Variants in PIEZO2 observed in about 807,000 individuals in gnomAD.
The protein encoded by PIEZO2 is piezo type mechanosensitive ion channel component 2, also known as piezo-type mechanosensitive ion channel component 2.
PIEZO2 carries 172 observed loss-of-function variants against 337.3 expected under a neutral mutation model. That is an observed-to-expected ratio of 0.51 (90% CI 0.45 to 0.58). PIEZO2 has a LOEUF of 0.58. Ranked by LOEUF, PIEZO2 falls within the 20% of genes least tolerant of loss-of-function variation. PIEZO2 has a pLI of 0.00. For synonymous variants in PIEZO2, 1,251 were observed against 1,228.5 expected (o/e 1.02, Z -0.38); for missense variants, 3,028 against 3,391.3 (o/e 0.89, Z 2.66).
rs1203824284 is a variant in PIEZO2 at position 10,705,555 on chromosome 18, T to A, written c.5780A>T (p.Glu1927Val). 6.5e-7 allele frequency: 1 copy of A among 1,537,126 alleles called. No homozygotes were observed. Among genetic ancestry groups the A allele is most frequent in the Non-Finnish European group, 8.7e-7 (1 of 1,146,914 alleles). ...AEEASLTPEE[E>V]LTQFSTLDGD... ...GTCCAAGGTGGAGAACTGTGTCAGC[T>A]CTTCCTCTGGGGTGAGGCTGGCCTC... is the stretch of plus-strand genomic sequence containing the variant. The change falls in exon 41 of 56, where the codon GAG becomes GTG. Residue 1927 changes from glutamate (E) to valine (V), a missense_variant. This residue lies in a region of PIEZO2 where 1,925 missense variants were observed against 2,051.9 expected (regional missense o/e 0.94). Transcript: ENST00000674853.
chr18:11,031,935 C>T lies in PIEZO2; in HGVS notation c.160+34192G>A, dbSNP rs1161492800. 6.6e-6 allele frequency among the ~76,000 whole-genome samples: 1 copy of T among 152,152 alleles called. No individual in the cohort carries two copies. The highest frequency in any genetic ancestry group is 2.4e-5 in the African/African-American group (1 of 41,412). ...ACCATCACATTTCCAAGATACGAGA[C>T]AAAACTCGTTCTCTCTCTGTCTTTC... On this transcript the variant is annotated intron_variant, in intron 2 of 55. Coordinates refer to ENST00000674853, the MANE Select transcript of PIEZO2 (RefSeq NM_001378183.1). This position sits in a 1 kb window ranked among gnomAD's most constrained non-coding sequence, Gnocchi z 4.7.
intron 4 of PIEZO2, among the ~76,000 whole-genome samples, chr18:10,882,428 T>C (rs264204): frequency 0.84 from 127,687 of 152,140 alleles, 55,038 homozygotes; most frequent in East Asian, 1. Flanking sequence ...ACTAGTAATA[T>C]TTCAAAAACA....
At chr18:10,931,508 A>G (rs901188396) in intron 3 of PIEZO2, among the ~76,000 whole-genome samples, 9 of 152,210 alleles carry the variant, frequency 5.9e-5, no homozygotes, top group African/African-American at 2.2e-4. Context: ...CTATCTACTT[A>G]TAATTTTAAT....
chr18:10,827,158 A>C (rs892941775), intron 7 of PIEZO2, among the ~76,000 whole-genome samples: 1 of 152,232 alleles, frequency 6.6e-6, no homozygotes, highest in African/African-American at 2.4e-5. Flanking sequence ...ATAAAAACTG[A>C]ATTACAGATA....
intron 45 of PIEZO2, among the ~76,000 whole-genome samples, chr18:10,697,249 A>G (rs60821188): frequency 0.031 from 4,725 of 152,170 alleles, 245 homozygotes; most frequent in African/African-American, 0.11. Flanking sequence ...GCCTCTGTCC[A>G]GGGCTCCACT....
At position 10,830,214 on chromosome 18, in the gene PIEZO2, G is replaced by T. The variant is rs569900435; in HGVS notation, c.918-22940C>A. Reference sequence around the variant, plus strand: ...GGAAAGGACAGTCTCTTCAATAAATGGTGCTGGGAAAACTGGATATCCATA... The same window carrying T: ...GGAAAGGACAGTCTCTTCAATAAATTGTGCTGGGAAAACTGGATATCCATA... On this transcript the variant is annotated intron_variant, in intron 7 of 55. Coordinates refer to ENST00000674853, the MANE Select transcript of PIEZO2 (RefSeq NM_001378183.1). The surrounding 1 kb of genome is among the most constrained non-coding windows in gnomAD (Gnocchi z 4.7). Among the ~76,000 whole-genome samples, 1 of 152,222 alleles carries T rather than the reference G, an allele frequency of 6.6e-6. No individual in the cohort carries two copies. Among genetic ancestry groups the T allele is most frequent in the South Asian group, 2.1e-4 (1 of 4,808 alleles).
At chr18:10,922,844 C>A (rs1485239589) in intron 3 of PIEZO2, among the ~76,000 whole-genome samples, 1 of 152,042 alleles carries the variant, frequency 6.6e-6, no homozygotes, top group Non-Finnish European at 1.5e-5. Context: ...TACAGAACAC[C>A]AAAACTATAC....
rs1267923046 is a variant in PIEZO2, at chr18:11,148,234, G to C, written c.64+291C>G. Among the ~76,000 whole-genome samples, 2 of 152,154 alleles carry C rather than the reference G, an allele frequency of 1.3e-5. No individual in the cohort carries two copies. The highest frequency in any genetic ancestry group is 2.9e-5 in the Non-Finnish European group (2 of 68,042). ...CCAGCCACAGCAATGGCCATCCTTA[G>C]TACACAAGTCAGTACTCCACGAAAG... On this transcript the variant is annotated intron_variant, in intron 1 of 55. Coordinates refer to ENST00000674853, the MANE Select transcript of PIEZO2 (RefSeq NM_001378183.1). The surrounding 1 kb of genome is among the most constrained non-coding windows in gnomAD (Gnocchi z 5.2).
chr18:10,807,982 T>C (rs1007962556), intron 7 of PIEZO2, among the ~76,000 whole-genome samples: 1 of 152,226 alleles, frequency 6.6e-6, no homozygotes, highest in African/African-American at 2.4e-5. Flanking sequence ...ATATGACTCA[T>C]TTAGAAATTC....
intron 39 of PIEZO2, among the ~76,000 whole-genome samples, chr18:10,711,645 G>A (rs1273190592): frequency 6.6e-6 from 1 of 152,012 alleles, no homozygotes; most frequent in Non-Finnish European, 1.5e-5. Context: ...ACAAAATGAA[G>A]CAAGAAGGGA....
intron 7 of PIEZO2, among the ~76,000 whole-genome samples, chr18:10,848,487 A>G (rs1033094117): frequency 6.6e-6 from 1 of 152,200 alleles, no homozygotes; most frequent in Admixed American, 6.5e-5. Context: ...ATTGAAGTAG[A>G]TGATAAAAAA....
intron 3 of PIEZO2, among the ~76,000 whole-genome samples, chr18:10,928,528 C>T (rs2145177490): frequency 6.6e-6 from 1 of 152,336 alleles, no homozygotes; most frequent in Non-Finnish European, 1.5e-5. Flanking sequence ...AGTTCTTAAA[C>T]AGTGCCTGGC....
At chr18:10,777,229 C>A (rs1371492138) in intron 18 of PIEZO2, among the ~76,000 whole-genome samples, 2 of 152,256 alleles carry the variant, frequency 1.3e-5, no homozygotes, top group Admixed American at 1.3e-4. Context: ...AACCTTCTCA[C>A]TGACCATTAA....
At chr18:11,018,113 A>T (rs2145696485) in intron 2 of PIEZO2, among the ~76,000 whole-genome samples, 1 of 151,432 alleles carries the variant, frequency 6.6e-6, no homozygotes, top group Middle Eastern at 3.4e-3. Flanking sequence ...TGCCCCTTCC[A>T]GCTTTGGGTA....
chr18:10,752,942 A>G (rs2037702054), intron 27 of PIEZO2, 63 bp from the exon 28 acceptor site: 17 of 1,489,192 alleles, frequency 1.1e-5, no homozygotes, highest in Non-Finnish European at 1.5e-5. Flanking sequence ...CAAAATCAGG[A>G]AAGTCTTTAA....
Position 11,105,727 on chromosome 18 carries a change from T to C in PIEZO2, c.65-39505A>G, listed in dbSNP as rs2039539250. ...GGGAATGTTTCATGAATGCTAGTGC[T>C]GCTTGAGGCTTGACTGTAAAGCTCC... On this transcript the variant is annotated intron_variant, in intron 1 of 55. Transcript: ENST00000674853. This position sits in a 1 kb window ranked among gnomAD's most constrained non-coding sequence, Gnocchi z 4.3. Among the ~76,000 whole-genome samples, 1 of 152,204 alleles carries C rather than the reference T, an allele frequency of 6.6e-6. No homozygotes were observed. The highest frequency in any genetic ancestry group is 2.1e-4 in the South Asian group (1 of 4,830).
At chr18:11,139,677 A>G (rs2040585977) in intron 1 of PIEZO2, among the ~76,000 whole-genome samples, 1 of 152,210 alleles carries the variant, frequency 6.6e-6, no homozygotes, top group Non-Finnish European at 1.5e-5. Flanking sequence ...GACACTTGTT[A>G]CTCAAAGAAA....
rs1210240404 is a variant in PIEZO2, at chr18:10,718,358, C to G, written c.5030-99G>C. The G allele has an allele frequency of 5.2e-6, 5 of 959,168 alleles. No individual in the cohort carries two copies. In the Admixed American group the frequency reaches 7.1e-5, roughly 14 times the overall value. The allele number at this position is 959,168 out of a possible 1,614,324, so 59.4% of individuals were successfully genotyped here. A position where few individuals can be genotyped will look rare whatever the true frequency, so the allele number is the denominator to read the frequency against. On this transcript the variant is annotated intron_variant, in intron 36 of 55. Transcript: ENST00000674853. ...ATTAAAAGGAATTTTGTAATTAACT[C>G]TAGGACATTCTATTTCAAGAGTTCC...
chr18:11,115,322 G>T (rs1186168201), intron 1 of PIEZO2, among the ~76,000 whole-genome samples: 2 of 152,124 alleles, frequency 1.3e-5, no homozygotes, highest in Non-Finnish European at 2.9e-5. Context: ...ATGAGATTAA[G>T]AAAACATTAC....
Sources: gnomAD v4.1 joint callset for allele counts (sites outside exome capture counted in the v4.1 genomes callset) on GRCh38, gnomAD v4.1.1 for gene constraint, gnomAD v4.1.1 regional missense constraint, Gnocchi (gnomAD v3.1) non-coding constraint, MANE v1.5 for transcripts, NCBI Gene and HGNC (gene_info 2026-07-23, HGNC 2026-07-21) for gene names.